Variants in CLCN3 observed in about 807,000 individuals in gnomAD.
The protein encoded by CLCN3 is H(+)/Cl(-) exchange transporter 3.
A neutral mutation model predicts 83.4 loss-of-function variants in CLCN3; 16 were observed. The ratio of observed to expected loss-of-function variants is 0.19; its 90% CI spans 0.13 to 0.29. The LOEUF (loss-of-function observed/expected upper bound fraction) is 0.29. CLCN3 is among the 10% of genes least tolerant of loss of function. The probability of loss-of-function intolerance (pLI) is 1.00; values close to 1 mark genes in which losing one functional copy is unlikely to be tolerated. For missense variants in CLCN3, 544 were observed against 1,006.0 expected (o/e 0.54, Z 6.21); for synonymous variants, 322 against 346.2 (o/e 0.93, Z 0.78).
At chr4:169,631,478 C>G (rs1179508341) in intron 1 of CLCN3, among the ~76,000 whole-genome samples, 1 of 151,854 alleles carries the variant, frequency 6.6e-6, no homozygotes, top group Non-Finnish European at 1.5e-5. Flanking sequence ...TTAGTAGAGA[C>G]GGGGTTTCAC....
intron 2 of CLCN3, among the ~76,000 whole-genome samples, chr4:169,672,220 TGATAGATAGATAGATA>T (rs70964217): frequency 6.9e-6 from 1 of 145,496 alleles, no homozygotes; most frequent in African/African-American, 2.6e-5. Context: ...TCAAAATAAA[TGATAGATAGATAGATA>T]GATAGATAGA....
rs145328407 is a variant in CLCN3, at chr4:169,688,910, T to G, written c.419-133T>G. The G allele has an allele frequency of 6.3e-3, 3,909 of 622,070 alleles. 23 individuals are homozygous for G. Among genetic ancestry groups the G allele is most frequent in the Non-Finnish European group, 7.3e-3 (2,722 of 373,604 alleles). 38.5% of individuals were successfully genotyped at this position (622,070 alleles called of 1,614,324 possible). A position where few individuals can be genotyped will look rare whatever the true frequency, so the allele number is the denominator to read the frequency against. ...GTTTATAACTAAAATTTGAAAATCTTAAATTTATATGTAGTTCATAAATGA... is the reference window on the plus strand; with the variant it reads ...GTTTATAACTAAAATTTGAAAATCTGAAATTTATATGTAGTTCATAAATGA... On this transcript the variant is annotated intron_variant, in intron 4 of 12. Coordinates refer to ENST00000513761, the MANE Select transcript of CLCN3 (RefSeq NM_001829.4).
chr4:169,722,669 TGAC>T lies in CLCN3; in HGVS notation c.*2673_*2675del, dbSNP rs1733677861. ...TAATTGCCCATCTTGCTTCAGAGACTGACATTTCAGGGTGGATATTAATTAAAG... is the reference window on the plus strand; with the variant it reads ...TAATTGCCCATCTTGCTTCAGAGACTATTTCAGGGTGGATATTAATTAAAG... On this transcript the variant is annotated 3_prime_UTR_variant, in exon 13 of 13. Coordinates refer to ENST00000513761, the MANE Select transcript of CLCN3 (RefSeq NM_001829.4). 1 of 152,360 alleles carries T rather than the reference TGAC, an allele frequency of 6.6e-6. No homozygotes were observed. The highest frequency in any genetic ancestry group is 2.1e-4 in the South Asian group (1 of 4,832). 9.4% of individuals were successfully genotyped at this position (152,360 alleles called of 1,614,324 possible).
chr4:169,624,581 A>G (rs977761721), intron 1 of CLCN3, among the ~76,000 whole-genome samples: 15 of 152,178 alleles, frequency 9.9e-5, no homozygotes, highest in African/African-American at 3.6e-4. Flanking sequence ...AATACATACT[A>G]ATTTTTAGAA....
chr4:169,711,920 G>A (rs1351606413), intron 11 of CLCN3, among the ~76,000 whole-genome samples: 1 of 151,748 alleles, frequency 6.6e-6, no homozygotes, highest in East Asian at 1.9e-4. Flanking sequence ...GCTGGAGTGT[G>A]GTGGTATGAT....
intron 4 of CLCN3, among the ~76,000 whole-genome samples, chr4:169,688,424 CA>C (rs1218192476): frequency 6.6e-6 from 1 of 152,124 alleles, no homozygotes; most frequent in Non-Finnish European, 1.5e-5. Flanking sequence ...AGATTATGTT[CA>C]GAAGACCATA....
At chr4:169,626,136 C>T (rs985689769) in intron 1 of CLCN3, among the ~76,000 whole-genome samples, 4 of 152,240 alleles carry the variant, frequency 2.6e-5, no homozygotes, top group South Asian at 4.1e-4. Context: ...CCACTCCTTA[C>T]GTCCTTGGGT....
chr4:169,715,344 G>A (rs911207703), intron 12 of CLCN3, among the ~76,000 whole-genome samples: 10 of 152,224 alleles, frequency 6.6e-5, no homozygotes, highest in African/African-American at 2.4e-4. Flanking sequence ...TTTCTTCTAA[G>A]GGAATATATT....
intron 2 of CLCN3, among the ~76,000 whole-genome samples, chr4:169,654,879 A>G (rs1207841216): frequency 6.6e-6 from 1 of 152,172 alleles, no homozygotes; most frequent in Non-Finnish European, 1.5e-5. Context: ...TTGTTAATCT[A>G]TGAAAATACT....
In CLCN3 at chr4:169,723,422, G is replaced by A. The variant is rs1174377066; in HGVS notation, c.*3425G>A. ...CAGCAATGGTTTAGCGCCCCCATTT[G>A]TCAGTGAAAGCTGCAGGTCCACAGA... is the stretch of plus-strand genomic sequence containing the variant. On this transcript the variant is annotated 3_prime_UTR_variant, in exon 13 of 13. Coordinates refer to ENST00000513761, the MANE Select transcript of CLCN3 (RefSeq NM_001829.4). 6.6e-6 allele frequency: 1 copy of A among 152,004 alleles called. No individual in the cohort carries two copies. Among genetic ancestry groups the A allele is most frequent in the Non-Finnish European group, 1.5e-5 (1 of 68,016 alleles). 9.4% of individuals were successfully genotyped at this position (152,004 alleles called of 1,614,324 possible).
chr4:169,640,572 A>G (rs1032333100), intron 2 of CLCN3, among the ~76,000 whole-genome samples: 6 of 152,226 alleles, frequency 3.9e-5, no homozygotes, highest in African/African-American at 9.6e-5. Flanking sequence ...AAATGTGTTT[A>G]TATTAGGTAT....
intron 8 of CLCN3, 71 bp downstream of exon 8, chr4:169,695,763 T>C: frequency 9.2e-7 from 1 of 1,089,320 alleles, no homozygotes; most frequent in Non-Finnish European, 1.4e-6. Context: ...CACATTTCAG[T>C]TTTGTAGGTG....
chr4:169,686,694 C>T (rs1293094253), intron 3 of CLCN3, among the ~76,000 whole-genome samples: 2 of 152,176 alleles, frequency 1.3e-5, no homozygotes, highest in East Asian at 1.9e-4. Flanking sequence ...GGATTACAAG[C>T]GTGAGCCACC....
At chr4:169,681,460 A>G (rs780755998) in intron 3 of CLCN3, among the ~76,000 whole-genome samples, 1 of 152,198 alleles carries the variant, frequency 6.6e-6, no homozygotes, top group Non-Finnish European at 1.5e-5. Context: ...TGAAATTCAA[A>G]TTTTATTATA....
chr4:169,702,060 A>G (rs914515279), intron 9 of CLCN3, among the ~76,000 whole-genome samples: 1 of 151,926 alleles, frequency 6.6e-6, no homozygotes, highest in African/African-American at 2.4e-5. Flanking sequence ...CACTCACCCA[A>G]CTCCTGGGAT....
intron 5 of CLCN3, among the ~76,000 whole-genome samples, chr4:169,690,318 G>A (rs1256041959): frequency 1.3e-5 from 2 of 151,614 alleles, no homozygotes; most frequent in African/African-American, 2.4e-5. Flanking sequence ...GCTAATTTTT[G>A]TATTTTTAAT....
At chr4:169,689,791 G>A (rs1292635511) in intron 5 of CLCN3, among the ~76,000 whole-genome samples, 11 of 152,076 alleles carry the variant, frequency 7.2e-5, no homozygotes, top group African/African-American at 2.2e-4. Flanking sequence ...AGAGCTAAAA[G>A]GTATACATTT....
At position 169,674,124 on chromosome 4, in the gene CLCN3, G is replaced by A. The variant is rs560874198; in HGVS notation, c.161-5926G>A. On this transcript the variant is annotated intron_variant, in intron 2 of 12. Transcript: ENST00000513761. ...CAAAAGAAAAAAGTTTTTTTTCCTG[G>A]TCTAGGAGCTAATCCTGGAGCACAT... 2.0e-4 allele frequency among the ~76,000 whole-genome samples: 30 copies of A among 152,160 alleles called. No individual in the cohort carries two copies. The South Asian group carries it at 5.8e-3, about 29-fold the overall frequency.
At chr4:169,653,784 A>G (rs991160542) in intron 2 of CLCN3, among the ~76,000 whole-genome samples, 1 of 152,108 alleles carries the variant, frequency 6.6e-6, no homozygotes, top group African/African-American at 2.4e-5. Flanking sequence ...GGCGTGTCAC[A>G]TGGTGAGAGA....
Sources: allele counts gnomAD v4.1 joint callset (sites outside exome capture counted in the v4.1 genomes callset), GRCh38; gene constraint gnomAD v4.1.1; transcripts MANE v1.5; gene names NCBI Gene and HGNC (gene_info 2026-07-23, HGNC 2026-07-21).